The following RANBP2 variants were observed in gnomAD, a reference collection of about 807,000 sequenced individuals.
RANBP2 encodes the protein E3 SUMO-protein ligase RanBP2.
RANBP2 carries 57 observed loss-of-function variants against 303.6 expected under a neutral mutation model. That is an observed-to-expected ratio of 0.19 (90% CI 0.15 to 0.23). The LOEUF (loss-of-function observed/expected upper bound fraction) is 0.23. Ranked by LOEUF, RANBP2 falls within the 10% of genes least tolerant of loss-of-function variation. The pLI is 1.00. For missense variants in RANBP2, 3,138 were observed against 3,780.8 expected (o/e 0.83, Z 4.46); for synonymous variants, 1,167 against 1,301.5 (o/e 0.90, Z 2.23).
At chr2:109,036,444 T>C in the RANBP2 span, among the ~76,000 whole-genome samples, 1 of 152,148 alleles carries the variant, frequency 6.6e-6, no homozygotes, top group Non-Finnish European at 1.5e-5. Context: ...ATCAACAAAA[T>C]TTTGTAAACC....
At chr2:109,668,862 T>C in the RANBP2 span, among the ~76,000 whole-genome samples, 1 of 152,174 alleles carries the variant, frequency 6.6e-6, no homozygotes, top group Non-Finnish European at 1.5e-5. Context: ...GCTAGGACTA[T>C]AAATCAGAAA....
the RANBP2 span, among the ~76,000 whole-genome samples, chr2:109,413,007 C>A: frequency 6.6e-6 from 1 of 152,242 alleles, no homozygotes. Context: ...GTCAGCCTGC[C>A]AGCCCCACAC....
the RANBP2 span, among the ~76,000 whole-genome samples, chr2:109,222,498 TAA>T: frequency 3.6e-3 from 403 of 111,818 alleles, 2 homozygotes; most frequent in African/African-American, 0.023. Flanking sequence ...TCCAAAAAAA[TAA>T]AAAGAGTCCA....
At chr2:108,815,916 AAAT>A in the RANBP2 span, 1 of 1,571,018 alleles carries the variant, frequency 6.4e-7, no homozygotes, top group Non-Finnish European at 8.6e-7. Context: ...GAACTGAAAT[AAAT>A]GATTTAATTT....
the RANBP2 span, chr2:109,615,984 G>A: frequency 2.6e-6 from 4 of 1,555,648 alleles, no homozygotes; most frequent in Non-Finnish European, 3.5e-6. Flanking sequence ...GGAGGGCAGG[G>A]GGGAGGAGGG....
the RANBP2 span, among the ~76,000 whole-genome samples, chr2:109,479,058 T>A: frequency 6.6e-6 from 1 of 152,192 alleles, no homozygotes; most frequent in African/African-American, 2.4e-5. Context: ...TGGTGTTGAC[T>A]GCTGGCTGGA....
chr2:108,754,997 T>C lies in RANBP2; in HGVS notation c.2295T>C (p.Asn765=). ...GTGAAGGAGGTCCTCTCTATAAAAA[T>C]GGTTCTTTGCGAAATGCAGATTCAG... is the stretch of plus-strand genomic sequence containing the variant. ...DYSEGGPLYK[N]GSLRNADSEI... Residue 765 remains asparagine, a synonymous_variant, in exon 16 of 29, where the codon AAT becomes AAC. Coordinates refer to ENST00000283195, the MANE Select transcript of RANBP2 (RefSeq NM_006267.5). The C allele has an allele frequency of 6.2e-7, 1 of 1,611,884 alleles. No homozygotes were observed. Among genetic ancestry groups the C allele is most frequent in the Non-Finnish European group, 8.5e-7 (1 of 1,179,820 alleles).
At chr2:109,518,288 G>C in the RANBP2 span, among the ~76,000 whole-genome samples, 1 of 152,148 alleles carries the variant, frequency 6.6e-6, no homozygotes, top group Admixed American at 6.5e-5. Context: ...CCAGGGTGAG[G>C]GCATCAGCTG....
At chr2:108,842,820 A>G in the RANBP2 span, among the ~76,000 whole-genome samples, 5 of 152,358 alleles carry the variant, frequency 3.3e-5, no homozygotes, top group South Asian at 8.3e-4. Flanking sequence ...CCAGGGCAAC[A>G]TCAAATTATA....
At chr2:108,906,013 C>T in the RANBP2 span, among the ~76,000 whole-genome samples, 4 of 146,066 alleles carry the variant, frequency 2.7e-5, no homozygotes, top group South Asian at 2.1e-4. Context: ...TCTGAGGCTC[C>T]GTGGCTGCTG....
the RANBP2 span, among the ~76,000 whole-genome samples, chr2:109,360,528 A>C: frequency 6.6e-6 from 1 of 152,240 alleles, no homozygotes; most frequent in Non-Finnish European, 1.5e-5. Context: ...TCCCATACCC[A>C]AGATATCTCA....
chr2:108,817,603 C>A, the RANBP2 span, among the ~76,000 whole-genome samples: 2 of 152,088 alleles, frequency 1.3e-5, no homozygotes, highest in Non-Finnish European at 2.9e-5. Context: ...CAGATATCTT[C>A]TGGAAGCTGG....
At chr2:108,719,852 G>T (rs1380918807) in intron 1 of RANBP2, among the ~76,000 whole-genome samples, 174 bp downstream of exon 1, 2 of 152,200 alleles carry the variant, frequency 1.3e-5, no homozygotes, top group Non-Finnish European at 2.9e-5. Context: ...GAAGAGTCCT[G>T]GGGGGACAGC....
chr2:109,501,399 A>G, the RANBP2 span: 15 of 570,066 alleles, frequency 2.6e-5, no homozygotes, highest in African/African-American at 2.6e-4. Context: ...AAGTGGGAAA[A>G]TAGCAGCAAA....
chr2:109,149,380 G>A, the RANBP2 span, among the ~76,000 whole-genome samples: 1 of 152,130 alleles, frequency 6.6e-6, no homozygotes, highest in African/African-American at 2.4e-5. Context: ...AGAGACTTTC[G>A]TTATTAATAA....
In RANBP2 at chr2:108,719,663, C is replaced by T. The variant is rs1322105210; in HGVS notation, c.57C>T (p.Thr19=). 2 of 1,605,946 alleles carry T rather than the reference C, an allele frequency of 1.2e-6. No individual in the cohort carries two copies. The highest frequency in any genetic ancestry group is 1.7e-6 in the Non-Finnish European group (2 of 1,177,402). Residue 19 remains threonine, a synonymous_variant, in exon 1 of 29, where the codon ACC becomes ACT. Coordinates refer to ENST00000283195, the MANE Select transcript of RANBP2 (RefSeq NM_006267.5). The part of the protein sequence containing the change: ...ERYIASVQGS[T]PSPRQKSMKG... ...ACATCGCCTCGGTGCAGGGCTCCACCCCGTCGCCTCGACAGGTGAGTGGGT... is the reference window on the plus strand; with the variant it reads ...ACATCGCCTCGGTGCAGGGCTCCACTCCGTCGCCTCGACAGGTGAGTGGGT...
At chr2:109,647,765 C>T in the RANBP2 span, among the ~76,000 whole-genome samples, 36 of 152,298 alleles carry the variant, frequency 2.4e-4, no homozygotes, top group Non-Finnish European at 4.9e-4. Flanking sequence ...CCACCCCGCC[C>T]GGCTCGGCTC....
chr2:108,937,467 ATG>A, the RANBP2 span, among the ~76,000 whole-genome samples: 1 of 152,020 alleles, frequency 6.6e-6, no homozygotes, highest in African/African-American at 2.4e-5. Context: ...GCATGTGTAT[ATG>A]TGAGTGTGTG....
At chr2:108,857,364 C>T in the RANBP2 span, among the ~76,000 whole-genome samples, 1 of 151,986 alleles carries the variant, frequency 6.6e-6, no homozygotes, top group Admixed American at 6.6e-5. Context: ...CCACTGCGCC[C>T]GGACTATTGC....
Sources: gnomAD v4.1 joint callset for allele counts (sites outside exome capture counted in the v4.1 genomes callset) on GRCh38, gnomAD v4.1.1 for gene constraint, MANE v1.5 for transcripts, NCBI Gene and HGNC (gene_info 2026-07-23, HGNC 2026-07-21) for gene names.